Variants in TAF4 observed in about 807,000 individuals in gnomAD.
The protein encoded by TAF4 is transcription initiation factor TFIID subunit 4.
Under a neutral mutation model 90.3 loss-of-function variants are expected in TAF4, and 9 were observed. The ratio of observed to expected loss-of-function variants is 0.10; its 90% CI spans 0.06 to 0.17. TAF4 has a LOEUF of 0.17. Among genes scored for constraint, TAF4 ranks in the 10% least tolerant of loss-of-function variants. TAF4 has a pLI of 1.00. For synonymous variants in TAF4, 818 were observed against 638.9 expected (o/e 1.28, Z -4.23); for missense variants, 1,351 against 1,370.7 (o/e 0.99, Z 0.23).
intron 1 of TAF4, among the ~76,000 whole-genome samples, chr20:62,049,844 A>T (rs1005032695): frequency 1.3e-5 from 2 of 152,134 alleles, no homozygotes; most frequent in Non-Finnish European, 1.5e-5. Flanking sequence ...GTCCCTAGGC[A>T]GGTTTCACGA....
chr20:62,023,301 G>C (rs2055854311), intron 1 of TAF4, among the ~76,000 whole-genome samples: 1 of 151,784 alleles, frequency 6.6e-6, no homozygotes, highest in Admixed American at 6.6e-5. Flanking sequence ...AAATTAGTTG[G>C]GCATGGTGGT....
intron 11 of TAF4, 29 bp downstream of exon 11, chr20:62,000,095 G>A (rs2055689638): frequency 6.2e-7 from 1 of 1,614,190 alleles, no homozygotes; most frequent in Middle Eastern, 1.7e-4. Context: ...ACAACATAAA[G>A]ACGCTCTCCT....
chr20:61,985,733 G>A (rs1343413373), intron 14 of TAF4, among the ~76,000 whole-genome samples: 1 of 151,400 alleles, frequency 6.6e-6, no homozygotes, highest in Non-Finnish European at 1.5e-5. Context: ...GGCCTGAGGA[G>A]AAGTGAGAAG....
intron 2 of TAF4, among the ~76,000 whole-genome samples, chr20:62,014,041 T>G (rs985300293): frequency 5.4e-5 from 7 of 130,440 alleles, no homozygotes; most frequent in African/African-American, 1.5e-4. Context: ...TGTGTGTGTG[T>G]GTGTATGTGT....
intron 14 of TAF4, among the ~76,000 whole-genome samples, chr20:61,994,575 T>C (rs2055652029): frequency 6.6e-6 from 1 of 151,904 alleles, no homozygotes. Flanking sequence ...ACACCTGGAG[T>C]CCCTCCTCTC....
chr20:62,020,735 C>A (rs1390254033), intron 1 of TAF4, among the ~76,000 whole-genome samples: 1 of 152,222 alleles, frequency 6.6e-6, no homozygotes, highest in Non-Finnish European at 1.5e-5. Flanking sequence ...CAAAGATTAT[C>A]CAATACGACA....
chr20:61,982,704 C>T (rs1247089360), intron 14 of TAF4, among the ~76,000 whole-genome samples: 1 of 113,196 alleles, frequency 8.8e-6, no homozygotes, highest in African/African-American at 3.2e-5. Flanking sequence ...CAAACCCACA[C>T]CCCACCCGAG....
chr20:62,046,992 A>T (rs6061407), intron 1 of TAF4, among the ~76,000 whole-genome samples: 43 of 152,168 alleles, frequency 2.8e-4, no homozygotes, highest in Non-Finnish European at 4.1e-4. Flanking sequence ...TATTTTCTCC[A>T]AGTCGACGGC....
intron 1 of TAF4, among the ~76,000 whole-genome samples, chr20:62,044,140 CA>C (rs1320205438): frequency 6.6e-6 from 1 of 152,166 alleles, no homozygotes; most frequent in Non-Finnish European, 1.5e-5. Context: ...TATTTCCTTC[CA>C]AAATTATTTT....
intron 1 of TAF4, among the ~76,000 whole-genome samples, chr20:62,052,707 C>T (rs1347310461): frequency 2.7e-5 from 4 of 150,430 alleles, no homozygotes; most frequent in Non-Finnish European, 3.0e-5. Context: ...AGGTGCCTCG[C>T]GCCACCCCCC....
intron 1 of TAF4, chr20:62,037,919 T>G (rs1273884802): frequency 4.9e-6 from 1 of 202,772 alleles, no homozygotes; most frequent in Non-Finnish European, 1.0e-5. Flanking sequence ...TTTGCACGAT[T>G]TTGTGGGGAT....
At chr20:61,998,732 A>AC (rs1179984363) in intron 12 of TAF4, among the ~76,000 whole-genome samples, 1 of 152,226 alleles carries the variant, frequency 6.6e-6, no homozygotes, top group African/African-American at 2.4e-5. Flanking sequence ...CATGTGCTTC[A>AC]CACCTGGGTG....
At chr20:62,024,932 A>G (rs950401823) in intron 1 of TAF4, among the ~76,000 whole-genome samples, 11 of 152,328 alleles carry the variant, frequency 7.2e-5, no homozygotes, top group Admixed American at 6.5e-4. Flanking sequence ...ACGGATGCAA[A>G]TGAGCACACG....
intron 1 of TAF4, among the ~76,000 whole-genome samples, chr20:62,017,749 G>A (rs553738272): frequency 2.6e-5 from 4 of 152,076 alleles, no homozygotes; most frequent in East Asian, 1.9e-4. Flanking sequence ...AAGCAGAATC[G>A]CTTGAACCTG....
At chr20:61,977,191 G>A (rs990252699) in intron 14 of TAF4, among the ~76,000 whole-genome samples, 4 of 122,712 alleles carry the variant, frequency 3.3e-5, no homozygotes, top group African/African-American at 6.3e-5. Flanking sequence ...ACACGACACC[G>A]CCCAGCGGGG....
chr20:61,982,640 C>T (rs796322845), intron 14 of TAF4, among the ~76,000 whole-genome samples: 644 of 65,244 alleles, frequency 9.9e-3, no homozygotes, highest in Non-Finnish European at 0.013. Flanking sequence ...GACACCAAAC[C>T]CACACCCACC....
intron 1 of TAF4, among the ~76,000 whole-genome samples, chr20:62,047,306 T>C (rs6061985): frequency 0.69 from 105,484 of 152,026 alleles, 36,766 homozygotes; most frequent in Middle Eastern, 0.78. Flanking sequence ...CCCCGAGAGG[T>C]CACACCACCA....
At chr20:62,054,041 G>A (rs2056046567) in intron 1 of TAF4, among the ~76,000 whole-genome samples, 1 of 152,234 alleles carries the variant, frequency 6.6e-6, no homozygotes, top group African/African-American at 2.4e-5. Flanking sequence ...ATCGTCGGGT[G>A]AGGCCACGCG....
In TAF4 at chr20:62,065,840, C is replaced by T. The variant is rs2056128469; in HGVS notation, c.-30G>A. ...TTTCCTCGGCCGCCGCCGCCGCCGC[C>T]GCTCGGGCCGAGCGCGCCTGGGCGA... On this transcript the variant is annotated 5_prime_UTR_variant, in exon 1 of 15. Transcript: ENST00000252996. 1.6e-6 allele frequency: 2 copies of T among 1,246,914 alleles called. No homozygotes were observed. 77.2% of individuals were successfully genotyped at this position (1,246,914 alleles called of 1,614,324 possible).
Sources: gnomAD v4.1 joint callset for allele counts (sites outside exome capture counted in the v4.1 genomes callset) on GRCh38, gnomAD v4.1.1 for gene constraint, MANE v1.5 for transcripts, NCBI Gene and HGNC (gene_info 2026-07-23, HGNC 2026-07-21) for gene names.